CMC1: variants seen among roughly 807,000 people sequenced by gnomAD.
CMC1 encodes C-X9-C motif containing 1.
CMC1 carries 14 observed loss-of-function variants against 14.1 expected under a neutral mutation model. The observed-to-expected ratio is 0.99, with a 90% CI of 0.66 to 1.55. The LOEUF is 1.55. CMC1 is among the 40% of genes most tolerant of loss of function. CMC1 has a pLI of 0.00. For synonymous variants in CMC1, 50 were observed against 38.4 expected (o/e 1.30, Z -1.12); for missense variants, 127 against 123.8 (o/e 1.03, Z -0.12).
intron 2 of CMC1, among the ~76,000 whole-genome samples, chr3:28,272,017 C>G (rs1158024172): frequency 2.6e-5 from 4 of 152,030 alleles, no homozygotes; most frequent in African/African-American, 4.8e-5. Flanking sequence ...TGATTTGGCT[C>G]TCTGCTTGTC....
At chr3:28,274,744 A>AC (rs2125498572) in intron 2 of CMC1, among the ~76,000 whole-genome samples, 1 of 150,754 alleles carries the variant, frequency 6.6e-6, no homozygotes, top group South Asian at 2.1e-4. Context: ...TCTTTCAGGT[A>AC]CCTTAATCAG....
intron 2 of CMC1, among the ~76,000 whole-genome samples, chr3:28,292,257 T>G (rs979917201): frequency 5.9e-5 from 9 of 152,118 alleles, no homozygotes; most frequent in African/African-American, 2.2e-4. Flanking sequence ...TTTTGTCTTT[T>G]TAAAACTCTG....
At chr3:28,281,887 G>A (rs1029327664) in intron 2 of CMC1, among the ~76,000 whole-genome samples, 1 of 152,176 alleles carries the variant, frequency 6.6e-6, no homozygotes, top group African/African-American at 2.4e-5. Context: ...GAATGGGCAT[G>A]TTTGTTGATA....
At chr3:28,261,537 TG>T (rs1197058279) in intron 1 of CMC1, among the ~76,000 whole-genome samples, 1 of 152,202 alleles carries the variant, frequency 6.6e-6, no homozygotes, top group African/African-American at 2.4e-5. Flanking sequence ...CTTTTGTAGC[TG>T]GTGGGACTCT....
At chr3:28,270,185 G>C (rs1457780982) in intron 2 of CMC1, among the ~76,000 whole-genome samples, 1 of 152,170 alleles carries the variant, frequency 6.6e-6, no homozygotes, top group Non-Finnish European at 1.5e-5. Context: ...CTGATTCCAT[G>C]TCTTTGCTAT....
rs1216734057 is a variant in CMC1 at position 28,325,142 on chromosome 3, A to C, written c.*5513A>C. 21 of 148,914 alleles carry C rather than the reference A, an allele frequency of 1.4e-4. No individual in the cohort carries two copies. The East Asian group carries it at 3.7e-3, about 26-fold the overall frequency. 9.2% of individuals were successfully genotyped at this position (148,914 alleles called of 1,614,324 possible). ...AGGTAAAGTAAAAAAAAAAAAAAAA[A>C]CAGCCAAAAAAAAAAAGTTTTGTAC... On this transcript the variant is annotated 3_prime_UTR_variant, in exon 4 of 4. Transcript: ENST00000466830.
intron 2 of CMC1, among the ~76,000 whole-genome samples, chr3:28,280,368 T>C (rs954066329): frequency 6.6e-6 from 1 of 152,170 alleles, no homozygotes; most frequent in Non-Finnish European, 1.5e-5. Flanking sequence ...TTGAATGGTA[T>C]ATATTAATAC....
At chr3:28,294,029 C>T (rs972751001) in intron 2 of CMC1, among the ~76,000 whole-genome samples, 3 of 152,046 alleles carry the variant, frequency 2.0e-5, no homozygotes, top group Admixed American at 6.6e-5. Context: ...TTGCTATTTT[C>T]GAAGAACTCA....
chr3:28,292,743 C>T (rs1701537934), intron 2 of CMC1: 1 of 152,068 alleles, frequency 6.6e-6, no homozygotes, highest in Non-Finnish European at 1.5e-5. Flanking sequence ...TAGGAATGTA[C>T]TTATTTGTCA....
chr3:28,308,966 A>G lies in CMC1; in HGVS notation c.110-7367A>G, dbSNP rs1702476668. On this transcript the variant is annotated intron_variant, in intron 2 of 3. Transcript: ENST00000466830. ...CCACTGCACTCCAGCCCGGCGACGG[A>G]GCGAGACTCCGTCTCAAAAAAAAAT... 2.1e-5 allele frequency among the ~76,000 whole-genome samples: 3 copies of G among 140,722 alleles called. No homozygotes were observed. The South Asian group carries it at 7.1e-4, about 33-fold the overall frequency. 92.3% of individuals were successfully genotyped at this position (140,722 alleles called of 152,430 possible). A position where few individuals can be genotyped will look rare whatever the true frequency, so the allele number is the denominator to read the frequency against.
intron 1 of CMC1, among the ~76,000 whole-genome samples, chr3:28,261,385 G>A (rs1050471067): frequency 6.6e-6 from 1 of 152,138 alleles, no homozygotes; most frequent in African/African-American, 2.4e-5. Context: ...GAATGGTGTT[G>A]CATGGCTCCA....
chr3:28,298,101 G>T (rs1701837549), intron 2 of CMC1: 1 of 151,596 alleles, frequency 6.6e-6, no homozygotes, highest in Non-Finnish European at 1.5e-5. Context: ...AAGTTGCATA[G>T]GTAGCCCAGC....
Position 28,281,885 on chromosome 3 carries a change from A to G in CMC1, c.109+18505A>G, listed in dbSNP as rs543942321. ...TTAAGGCACAGAGGTGAGAATGGGC[A>G]TGTTTGTTGATACAGCAGCAAAGAG... On this transcript the variant is annotated intron_variant, in intron 2 of 3. Transcript: ENST00000466830. 2.6e-5 allele frequency among the ~76,000 whole-genome samples: 4 copies of G among 152,302 alleles called. No homozygotes were observed. In the South Asian group the frequency reaches 8.3e-4, roughly 32 times the overall value.
rs539112842 is a variant in CMC1 at position 28,311,299 on chromosome 3, G to T, written c.110-5034G>T. 3.9e-5 allele frequency among the ~76,000 whole-genome samples: 6 copies of T among 151,970 alleles called. No homozygotes were observed. In the East Asian group the frequency reaches 9.7e-4, roughly 25 times the overall value. On this transcript the variant is annotated intron_variant, in intron 2 of 3. Coordinates refer to ENST00000466830, the MANE Select transcript of CMC1 (RefSeq NM_182523.2). ...CTGGAATTAAGTTATATTTGGCTTT[G>T]TCTATAGGTTGGATTAGATTCTTTC...
Position 28,324,523 on chromosome 3 carries a change from C to A in CMC1, c.*4894C>A. ...GTGATCATAAAATTCGATAACACTT[C>A]ACCAATTTGAATTCTAGAACTGGTG... is the stretch of plus-strand genomic sequence containing the variant. On this transcript the variant is annotated 3_prime_UTR_variant, in exon 4 of 4. Transcript: ENST00000466830. 2 of 1,316,522 alleles carry A rather than the reference C, an allele frequency of 1.5e-6. No homozygotes were observed. The highest frequency in any genetic ancestry group is 1.0e-6 in the Non-Finnish European group (1 of 998,438). 81.6% of individuals were successfully genotyped at this position (1,316,522 alleles called of 1,614,324 possible).
intron 2 of CMC1, among the ~76,000 whole-genome samples, chr3:28,301,459 G>T (rs915184475): frequency 6.6e-6 from 1 of 152,104 alleles, no homozygotes; most frequent in Non-Finnish European, 1.5e-5. Flanking sequence ...GGATTCAAGC[G>T]ATCCTCCTGC....
chr3:28,243,941 G>A (rs907691123), intron 1 of CMC1, among the ~76,000 whole-genome samples: 1 of 152,254 alleles, frequency 6.6e-6, no homozygotes, highest in African/African-American at 2.4e-5. Context: ...ATGAGGAAGT[G>A]TCATTTGAAT....
chr3:28,293,180 G>A (rs969536257), intron 2 of CMC1, among the ~76,000 whole-genome samples: 3 of 151,990 alleles, frequency 2.0e-5, no homozygotes, highest in Admixed American at 6.6e-5. Flanking sequence ...TTTCTTCCCC[G>A]TGTCTGCCTG....
chr3:28,302,467 A>G (rs574451529), intron 2 of CMC1, among the ~76,000 whole-genome samples: 9 of 152,134 alleles, frequency 5.9e-5, no homozygotes, highest in South Asian at 4.1e-4. Flanking sequence ...GGAATCTTCT[A>G]TGTGATCTTT....
Sources: allele counts gnomAD v4.1 joint callset (sites outside exome capture counted in the v4.1 genomes callset), GRCh38; gene constraint gnomAD v4.1.1; transcripts MANE v1.5; gene names NCBI Gene and HGNC (gene_info 2026-07-23, HGNC 2026-07-21).